Variants in SEH1L observed in about 807,000 individuals in gnomAD.
The protein encoded by SEH1L is SEH1 like nucleoporin, also known as nucleoporin SEH1.
Under a neutral mutation model 49.5 loss-of-function variants are expected in SEH1L, and 18 were observed. The ratio of observed to expected loss-of-function variants is 0.36; its 90% CI spans 0.25 to 0.54. The LOEUF is 0.54. SEH1L is among the 20% of genes least tolerant of loss of function. The pLI, the probability that SEH1L is intolerant of heterozygous loss-of-function variation, is 0.87. For missense variants in SEH1L, 404 were observed against 528.8 expected (o/e 0.76, Z 2.31); for synonymous variants, 169 against 178.1 (o/e 0.95, Z 0.41).
chr18:12,979,275 C>A (rs1476424098), intron 6 of SEH1L, among the ~76,000 whole-genome samples: 1 of 149,752 alleles, frequency 6.7e-6, no homozygotes, highest in African/African-American at 2.5e-5. Flanking sequence ...TGACTCTTAA[C>A]GAGCATGCTG....
At chr18:12,966,586 G>A (rs1468208186) in intron 4 of SEH1L, among the ~76,000 whole-genome samples, 1 of 152,014 alleles carries the variant, frequency 6.6e-6, no homozygotes, top group Non-Finnish European at 1.5e-5. Flanking sequence ...ATTTTTTGTG[G>A]ATATGGGGTT....
chr18:12,954,315 C>G (rs1367373891), intron 2 of SEH1L, among the ~76,000 whole-genome samples: 1 of 152,210 alleles, frequency 6.6e-6, no homozygotes, highest in Non-Finnish European at 1.5e-5. Flanking sequence ...CACCTCCCCT[C>G]CCACCCCTTG....
chr18:12,966,207 C>A lies in SEH1L; in HGVS notation c.521+2836C>A, dbSNP rs1427628037. On this transcript the variant is annotated intron_variant, in intron 4 of 8. Coordinates refer to ENST00000399892, the MANE Select transcript of SEH1L (RefSeq NM_001013437.2). ...TCCTGGGTTTAAGAGATTCTCCTGC[C>A]TCAGCCTCCTGAGTAGCTGAGATTA... Among the ~76,000 whole-genome samples, 5 of 151,290 alleles carry A rather than the reference C, an allele frequency of 3.3e-5. No individual in the cohort carries two copies. The East Asian group carries it at 9.8e-4, about 30-fold the overall frequency.
intron 1 of SEH1L, chr18:12,948,644 TG>T (rs1247657488): frequency 6.1e-6 from 1 of 164,412 alleles, no homozygotes; most frequent in Admixed American, 6.4e-5. Flanking sequence ...CGTCGAGTTC[TG>T]TGCCCCGCCG....
rs1298918831 is a variant in SEH1L, at chr18:12,948,199, G to A, written c.78G>A (p.Arg26=). ...HDVSFDFHGR[R]MATCSSDQSV... is the part of the protein sequence containing the mutation. ...TCTCTTTCGACTTCCACGGGCGGCG[G>A]ATGGCAACCTGCTCCAGCGATCAGA... The change falls in exon 1 of 9, where the codon CGG becomes CGA. Residue 26 remains arginine, a synonymous_variant. Transcript: ENST00000399892. 1 of 1,612,082 alleles carries A rather than the reference G, an allele frequency of 6.2e-7. No homozygotes were observed.
intron 4 of SEH1L, 89 bp from the exon 5 acceptor site, chr18:12,971,064 G>T: frequency 2.3e-6 from 2 of 866,356 alleles, no homozygotes; most frequent in Non-Finnish European, 3.9e-6. Context: ...ACTGTAAGCT[G>T]GTTGTCTGCT....
chr18:12,948,628 G>A (rs1447764687), intron 1 of SEH1L: 2 of 169,226 alleles, frequency 1.2e-5, no homozygotes, highest in Non-Finnish European at 2.5e-5. Flanking sequence ...TGCCTGGCTG[G>A]CGCTGCGTCG....
intron 5 of SEH1L, among the ~76,000 whole-genome samples, chr18:12,974,755 G>A (rs1467118691): frequency 6.6e-6 from 1 of 152,204 alleles, no homozygotes; most frequent in African/African-American, 2.4e-5. Flanking sequence ...TTTTATGTGT[G>A]TTATGAAGTT....
chr18:12,949,960 A>G (rs2030416495), intron 1 of SEH1L, among the ~76,000 whole-genome samples: 1 of 152,118 alleles, frequency 6.6e-6, no homozygotes, highest in African/African-American at 2.4e-5. Flanking sequence ...GGTACCTCAG[A>G]TAAATAGAAT....
chr18:12,980,742 GGGCTCCTCACTTCCCA>G (rs1568229634), intron 6 of SEH1L, among the ~76,000 whole-genome samples: 1 of 14,042 alleles, frequency 7.1e-5, no homozygotes, highest in Admixed American at 5.3e-4. Context: ...CCGGGCAGAG[GGGCTCCTCACTTCCCA>G]GTAGGGGCGG....
intron 3 of SEH1L, among the ~76,000 whole-genome samples, chr18:12,960,801 A>G (rs2031136723): frequency 6.6e-6 from 1 of 152,220 alleles, no homozygotes; most frequent in Non-Finnish European, 1.5e-5. Context: ...TCATTAATAT[A>G]TTAGCAGTGG....
chr18:12,969,471 T>C (rs2031600634), intron 4 of SEH1L, among the ~76,000 whole-genome samples: 2 of 151,102 alleles, frequency 1.3e-5, no homozygotes, highest in Admixed American at 6.6e-5. Flanking sequence ...GGGCGGATCA[T>C]GAGGTCAGGA....
intron 1 of SEH1L, among the ~76,000 whole-genome samples, chr18:12,950,035 C>A (rs935367663): frequency 1.4e-5 from 2 of 147,202 alleles, no homozygotes; most frequent in Non-Finnish European, 3.0e-5. Context: ...TTTCTTTTTT[C>A]TTTTTCCTTT....
At chr18:12,972,194 T>A (rs1190854508) in intron 5 of SEH1L, 1 of 152,162 alleles carries the variant, frequency 6.6e-6, no homozygotes, top group Non-Finnish European at 1.5e-5. Context: ...AGTGGACAAC[T>A]TGAGAATAAT....
chr18:12,978,549 G>T (rs369680959), intron 5 of SEH1L: 7 of 454,266 alleles, frequency 1.5e-5, no homozygotes, highest in Admixed American at 7.3e-5. Flanking sequence ...CATTTTCAAA[G>T]ACGCTATTTT....
intron 2 of SEH1L, 87 bp downstream of exon 2, chr18:12,951,992 A>G: frequency 8.2e-6 from 6 of 728,648 alleles, no homozygotes; most frequent in Non-Finnish European, 1.3e-5. Flanking sequence ...TGAGAAAATA[A>G]CATTTATACA....
At chr18:12,970,393 C>G (rs1376458048) in intron 4 of SEH1L, among the ~76,000 whole-genome samples, 1 of 152,152 alleles carries the variant, frequency 6.6e-6, no homozygotes, top group Non-Finnish European at 1.5e-5. Flanking sequence ...GTCTTTTCCA[C>G]TTTTCCCCTG....
rs183158631 is a variant in SEH1L at position 12,982,732 on chromosome 18, C to T, written c.919+57C>T. ...TTATATTTCTGCTCTGCAATTTTTA[C>T]TTAAAATGTAAACTCTGAAATATTT... On this transcript the variant is annotated intron_variant, in intron 7 of 8. Coordinates refer to ENST00000399892, the MANE Select transcript of SEH1L (RefSeq NM_001013437.2). The T allele has an allele frequency of 1.5e-4, 195 of 1,315,670 alleles. 1 individual carries two copies. The East Asian group carries it at 4.1e-3, about 27-fold the overall frequency. The allele number at this position is 1,315,670 out of a possible 1,614,324, so 81.5% of individuals were successfully genotyped here. A position where few individuals can be genotyped will look rare whatever the true frequency, so the allele number is the denominator to read the frequency against.
chr18:12,975,845 C>T lies in SEH1L; in HGVS notation c.621-2907C>T, dbSNP rs1379646815. 9.1e-6 allele frequency: 9 copies of T among 985,446 alleles called. No individual in the cohort carries two copies. The East Asian group carries it at 4.5e-4, about 50-fold the overall frequency. 61.0% of individuals were successfully genotyped at this position (985,446 alleles called of 1,614,324 possible). A position where few individuals can be genotyped will look rare whatever the true frequency, so the allele number is the denominator to read the frequency against. On this transcript the variant is annotated intron_variant, in intron 5 of 8. Transcript: ENST00000399892. Reference sequence around the variant, plus strand: ...ACTGTGGCGTGGGATGAAGAGGGACCGGGGAGACTTGTCTAGGAGGCACCA... The same window carrying T: ...ACTGTGGCGTGGGATGAAGAGGGACTGGGGAGACTTGTCTAGGAGGCACCA...
Sources: gnomAD v4.1 joint callset for allele counts (sites outside exome capture counted in the v4.1 genomes callset) on GRCh38, gnomAD v4.1.1 for gene constraint, MANE v1.5 for transcripts, NCBI Gene and HGNC (gene_info 2026-07-23, HGNC 2026-07-21) for gene names.